Variants in ATG12 observed in about 807,000 individuals in gnomAD.
The protein encoded by ATG12 is autophagy related 12.
A neutral mutation model predicts 17.6 loss-of-function variants in ATG12; 19 were observed. The ratio of observed to expected loss-of-function variants is 1.08; its 90% CI spans 0.75 to 1.58. The LOEUF (loss-of-function observed/expected upper bound fraction) is 1.58, where lower values mean the gene tolerates loss of function less well. Among genes scored for constraint, ATG12 ranks in the 40% most tolerant of loss-of-function variants. The probability of loss-of-function intolerance (pLI) is 0.00; values close to 1 mark genes in which losing one functional copy is unlikely to be tolerated. For missense variants in ATG12, 214 were observed against 162.0 expected (o/e 1.32, Z -1.74); for synonymous variants, 75 against 62.4 (o/e 1.20, Z -0.95).
intron 2 of ATG12, 115 bp downstream of exon 2, chr5:115,837,513 A>ATT (rs898113141): frequency 3.6e-6 from 4 of 1,097,502 alleles, no homozygotes; most frequent in Admixed American, 4.7e-5. Flanking sequence ...ATAAAAGGGC[A>ATT]TAACAAAAGC....
rs1234125221 is a variant in ATG12 at position 115,831,050 on chromosome 5, A to T, written c.*754T>A. ...TTACTCATCAAGTGCTTTTGACACC[A>T]TATAAATGACAGAGTAACACCACAG... is the stretch of plus-strand genomic sequence containing the variant. On this transcript the variant is annotated 3_prime_UTR_variant, in exon 4 of 4. Coordinates refer to ENST00000509910, the MANE Select transcript of ATG12 (RefSeq NM_004707.4). The T allele has an allele frequency of 6.6e-6, 1 of 152,252 alleles. No individual in the cohort carries two copies. Among genetic ancestry groups the T allele is most frequent in the African/African-American group, 2.4e-5 (1 of 41,468 alleles). 9.4% of individuals were successfully genotyped at this position (152,252 alleles called of 1,614,324 possible).
At chr5:115,832,571 CTTT>C (rs35310189) in intron 3 of ATG12, 28 bp downstream of exon 3, 48,323 of 783,190 alleles carry the variant, frequency 0.062, 4 homozygotes, top group Non-Finnish European at 0.067. Context: ...TAATTTCTTT[CTTT>C]TTTTTTTTTT....
Position 115,837,624 on chromosome 5 carries a change from A to C in ATG12, c.300+4T>G, listed in dbSNP as rs1225769215. 1.9e-6 allele frequency: 3 copies of C among 1,610,580 alleles called. No individual in the cohort carries two copies. The African/African-American group carries it at 4.0e-5, about 22-fold the overall frequency. ...GTAGGAAAACATCACCATTGGTTTC[A>C]TACCAACTGTTCTGAGGCCACAAGT... On this transcript the variant is annotated splice_donor_region_variant and intron_variant, in intron 2 of 3. Transcript: ENST00000509910.
At chr5:115,832,830 G>T in intron 2 of ATG12, 166 bp from the exon 3 acceptor site, 2 of 582,920 alleles carry the variant, frequency 3.4e-6, no homozygotes, top group Non-Finnish European at 5.6e-6. Context: ...TCATTACGAA[G>T]ATCTCATTTT....
chr5:115,840,802 C>A (rs1580580334), intron 1 of ATG12: 16 of 1,207,012 alleles, frequency 1.3e-5, no homozygotes, highest in Non-Finnish European at 1.7e-5. Context: ...CTGACTCAAG[C>A]AATGAAATAA....
chr5:115,839,706 C>T (rs1363364870), intron 1 of ATG12, among the ~76,000 whole-genome samples: 4 of 152,206 alleles, frequency 2.6e-5, no homozygotes, highest in Non-Finnish European at 4.4e-5. Flanking sequence ...CCTCCAGTGC[C>T]AAAACCTTGG....
chr5:115,841,047 C>G, intron 1 of ATG12: 1 of 478,954 alleles, frequency 2.1e-6, no homozygotes, highest in Non-Finnish European at 3.6e-6. Context: ...TAATTAGCTC[C>G]TGTGTTAAGT....
intron 1 of ATG12, chr5:115,841,075 C>A (rs1761420886): frequency 5.4e-6 from 2 of 369,504 alleles, no homozygotes; most frequent in Non-Finnish European, 5.1e-6. Context: ...ATTACCGAGA[C>A]CCCCCTCCCC....
rs1329307708 is a variant in ATG12 at position 115,830,555 on chromosome 5, CTTTTTT to C, written c.*1243_*1248del. On this transcript the variant is annotated 3_prime_UTR_variant, in exon 4 of 4. Transcript: ENST00000509910. ...GATTTACTAGAATGCCTTTTTTTTTCTTTTTTGAGATGGGGTCTCACTCTGTTGCTC... is the reference window on the plus strand; with the variant it reads ...GATTTACTAGAATGCCTTTTTTTTTCGAGATGGGGTCTCACTCTGTTGCTC... 1.3e-5 allele frequency: 2 copies of C among 150,308 alleles called. No homozygotes were observed. The highest frequency in any genetic ancestry group is 4.9e-5 in the African/African-American group (2 of 41,018). The allele number at this position is 150,308 out of a possible 1,614,324, so 9.3% of individuals were successfully genotyped here. A position where few individuals can be genotyped will look rare whatever the true frequency, so the allele number is the denominator to read the frequency against.
intron 2 of ATG12, chr5:115,834,308 A>G (rs906426421): frequency 2.0e-5 from 3 of 152,232 alleles, no homozygotes; most frequent in Non-Finnish European, 2.9e-5. Flanking sequence ...AGTTAGTTCA[A>G]AAGACAGAAA....
chr5:115,836,975 G>C (rs1308547219), intron 2 of ATG12, among the ~76,000 whole-genome samples: 1 of 152,108 alleles, frequency 6.6e-6, no homozygotes, highest in Non-Finnish European at 1.5e-5. Context: ...AAGATACATT[G>C]CTTACCTCAA....
rs138794309 is a variant in ATG12 at position 115,832,623 on chromosome 5, T to C, written c.342A>G (p.Gln114=). 319 of 1,479,574 alleles carry C rather than the reference T, an allele frequency of 2.2e-4. 1 individual carries two copies. The African/African-American group carries it at 4.4e-3, about 20-fold the overall frequency. 91.7% of individuals were successfully genotyped at this position (1,479,574 alleles called of 1,614,324 possible). ...TTACCTCATAGAGAGTTCCAACTTC[T>C]TGGTCTGGGGAAGGAGCAAAGGACT... ...VNQSFAPSPD[Q]EVGTLYECFG... is the part of the protein sequence containing the mutation. The change falls in exon 3 of 4, where the codon CAA becomes CAG. Residue 114 remains glutamine, a synonymous_variant. Coordinates refer to ENST00000509910, the MANE Select transcript of ATG12 (RefSeq NM_004707.4).
At chr5:115,840,854 C>G in intron 1 of ATG12, 3 of 1,273,694 alleles carry the variant, frequency 2.4e-6, no homozygotes, top group South Asian at 1.3e-5. Context: ...AAGGTAACAT[C>G]TATGCCTTTA....
At chr5:115,839,968 T>C (rs927351592) in intron 1 of ATG12, among the ~76,000 whole-genome samples, 25 of 152,230 alleles carry the variant, frequency 1.6e-4, no homozygotes, top group Admixed American at 5.2e-4. Flanking sequence ...TCGGGCAATA[T>C]TTAGATTGTA....
At chr5:115,838,684 G>C (rs1003710656) in intron 1 of ATG12, 1 of 152,194 alleles carries the variant, frequency 6.6e-6, no homozygotes, top group East Asian at 1.9e-4. Context: ...AAGCCAAAAA[G>C]AAGTTGCAGA....
At chr5:115,840,923 A>G (rs1761397961) in intron 1 of ATG12, 1 of 1,280,772 alleles carries the variant, frequency 7.8e-7, no homozygotes, top group African/African-American at 1.5e-5. Context: ...TAAGGAGTGA[A>G]TTCACAACCA....
chr5:115,837,490 TA>T, intron 2 of ATG12, 137 bp downstream of exon 2: 2 of 902,304 alleles, frequency 2.2e-6, no homozygotes, highest in Non-Finnish European at 1.7e-6. Flanking sequence ...AATGAATAAA[TA>T]AAAATAAAGG....
intron 2 of ATG12, among the ~76,000 whole-genome samples, 158 bp downstream of exon 2, chr5:115,837,469 CA>C (rs374936764): frequency 0.021 from 2,595 of 126,558 alleles, 26 homozygotes; most frequent in Middle Eastern, 0.03. Flanking sequence ...GAGACTGTCT[CA>C]AAAAAAAAAA....
At chr5:115,840,667 G>C in intron 1 of ATG12, 1 of 1,225,852 alleles carries the variant, frequency 8.2e-7, no homozygotes, top group South Asian at 1.4e-5. Context: ...TCTGAATCGA[G>C]GATGCTTATA....
Sources: allele counts gnomAD v4.1 joint callset (sites outside exome capture counted in the v4.1 genomes callset), GRCh38; gene constraint gnomAD v4.1.1; transcripts MANE v1.5; gene names NCBI Gene and HGNC (gene_info 2026-07-23, HGNC 2026-07-21).